ADAMTS6: variants seen among roughly 807,000 people sequenced by gnomAD.
ADAMTS6 encodes A disintegrin and metalloproteinase with thrombospondin motifs 6.
A neutral mutation model predicts 144.3 loss-of-function variants in ADAMTS6; 23 were observed. The observed-to-expected ratio is 0.16, with a 90% CI of 0.11 to 0.23. The LOEUF (loss-of-function observed/expected upper bound fraction) is 0.23, where lower values mean the gene tolerates loss of function less well. Ranked by LOEUF, ADAMTS6 falls within the 10% of genes least tolerant of loss-of-function variation. The pLI is 1.00. For missense variants in ADAMTS6, 999 were observed against 1,379.6 expected, an observed-to-expected ratio of 0.72 and a Z score of 4.37; for synonymous variants, 444 against 457.5, an observed-to-expected ratio of 0.97 and a Z score of 0.38.
intron 9 of ADAMTS6, among the ~76,000 whole-genome samples, chr5:65,319,382 A>C (rs1400383670): frequency 6.6e-6 from 1 of 151,638 alleles, no homozygotes; most frequent in Non-Finnish European, 1.5e-5. Context: ...ACAATGAAAT[A>C]GAAAATGAGC....
intron 7 of ADAMTS6, among the ~76,000 whole-genome samples, chr5:65,372,171 C>A (rs1037064199): frequency 7.1e-6 from 1 of 140,600 alleles, no homozygotes; most frequent in Admixed American, 6.7e-5. Context: ...CAAAATCATG[C>A]CAAAATGTAA....
intron 24 of ADAMTS6, among the ~76,000 whole-genome samples, chr5:65,162,620 TACACACACACAC>T (rs10529076): frequency 0.017 from 2,513 of 145,932 alleles, 69 homozygotes; most frequent in African/African-American, 0.061. Flanking sequence ...TATAAGATAC[TACACACACACAC>T]ACACACACAC....
At chr5:65,473,504 C>A in intron 2 of ADAMTS6, 73 bp downstream of exon 2, 3 of 1,355,228 alleles carry the variant, frequency 2.2e-6, no homozygotes, top group Non-Finnish European at 3.1e-6. Context: ...TCCACCCAAA[C>A]TAAATATGCA....
At chr5:65,243,856 T>G (rs975651949) in intron 14 of ADAMTS6, among the ~76,000 whole-genome samples, 2 of 152,118 alleles carry the variant, frequency 1.3e-5, no homozygotes, top group African/African-American at 4.8e-5. Context: ...ACTCTAGCTA[T>G]AAGTTTTCAC....
intron 7 of ADAMTS6, among the ~76,000 whole-genome samples, chr5:65,365,311 A>T (rs1750203518): frequency 1.3e-5 from 2 of 152,142 alleles, no homozygotes; most frequent in African/African-American, 4.8e-5. Context: ...GTATTCACAA[A>T]TGATTTTGCA....
At chr5:65,348,034 AG>A (rs1327046526) in intron 7 of ADAMTS6, among the ~76,000 whole-genome samples, 1 of 152,140 alleles carries the variant, frequency 6.6e-6, no homozygotes, top group African/African-American at 2.4e-5. Flanking sequence ...CAAGTGTTAC[AG>A]AAGATGTAGA....
chr5:65,172,761 T>C, intron 23 of ADAMTS6, 71 bp downstream of exon 23: 2 of 1,527,568 alleles, frequency 1.3e-6, no homozygotes, highest in Non-Finnish European at 1.8e-6. Flanking sequence ...CTTACAATGA[T>C]CACACAAGGA....
At chr5:65,175,705 GA>G (rs57833154) in intron 22 of ADAMTS6, among the ~76,000 whole-genome samples, 2,062 of 139,008 alleles carry the variant, frequency 0.015, 27 homozygotes, top group African/African-American at 0.037. Context: ...GTATCCTAAG[GA>G]AAAAAAAAAA....
rs989157170 is a variant in ADAMTS6, at chr5:65,179,685, G to GA, written c.2911-6678dup. ...ATAAAAAGAATCCTGTCCACCTTCAGAAAAAAAAAATGAATGAAATAGTCT... is the reference window on the plus strand; with the variant it reads ...ATAAAAAGAATCCTGTCCACCTTCAGAAAAAAAAAAATGAATGAAATAGTCT... On this transcript the variant is annotated intron_variant, in intron 22 of 24. Coordinates refer to ENST00000381055, the MANE Select transcript of ADAMTS6 (RefSeq NM_197941.4). Among the ~76,000 whole-genome samples, 214 of 147,128 alleles carry GA rather than the reference G, an allele frequency of 1.5e-3. 1 individual carries two copies. Among genetic ancestry groups the GA allele is most frequent in the African/African-American group, 4.9e-3 (195 of 40,162 alleles).
chr5:65,331,127 T>C (rs1033837703), intron 8 of ADAMTS6, among the ~76,000 whole-genome samples: 2 of 152,104 alleles, frequency 1.3e-5, no homozygotes, highest in African/African-American at 4.8e-5. Flanking sequence ...TGGTTCAATG[T>C]GGCCTATTAT....
intron 9 of ADAMTS6, among the ~76,000 whole-genome samples, chr5:65,318,581 C>T (rs538255494): frequency 1.7e-4 from 26 of 152,226 alleles, no homozygotes; most frequent in Middle Eastern, 3.4e-3. Context: ...TTTGCAACAA[C>T]GTGGATGGAA....
At chr5:65,408,097 G>T (rs1754724581) in intron 7 of ADAMTS6, among the ~76,000 whole-genome samples, 1 of 152,096 alleles carries the variant, frequency 6.6e-6, no homozygotes, top group African/African-American at 2.4e-5. Context: ...AAACTAATGG[G>T]CAAAATAACC....
chr5:65,188,296 C>T, intron 21 of ADAMTS6, 76 bp from the exon 22 acceptor site: 1 of 1,389,172 alleles, frequency 7.2e-7, no homozygotes, highest in Non-Finnish European at 1.0e-6. Flanking sequence ...AGTGAAGGCA[C>T]TTTCACTGAT....
chr5:65,398,659 C>T (rs541610229), intron 7 of ADAMTS6, among the ~76,000 whole-genome samples: 6 of 151,528 alleles, frequency 4.0e-5, no homozygotes, highest in Non-Finnish European at 7.4e-5. Flanking sequence ...TTGCAGTGAG[C>T]TGAGATTGCA....
At chr5:65,238,873 C>A (rs567389723) in intron 15 of ADAMTS6, among the ~76,000 whole-genome samples, 1 of 152,228 alleles carries the variant, frequency 6.6e-6, no homozygotes, top group African/African-American at 2.4e-5. Flanking sequence ...CTCAATTGAT[C>A]TATAGATTCA....
intron 20 of ADAMTS6, among the ~76,000 whole-genome samples, chr5:65,206,235 A>G (rs1756074192): frequency 6.6e-6 from 1 of 152,236 alleles, no homozygotes; most frequent in Admixed American, 6.5e-5. Flanking sequence ...TTAGTTCCAA[A>G]TAACTTCTTT....
intron 7 of ADAMTS6, among the ~76,000 whole-genome samples, chr5:65,384,800 C>T (rs1310752240): frequency 6.6e-6 from 1 of 152,170 alleles, no homozygotes; most frequent in Non-Finnish European, 1.5e-5. Context: ...CTTCTTGATA[C>T]CATTATCTGT....
chr5:65,297,061 A>T (rs1338441457), intron 10 of ADAMTS6: 4 of 356,362 alleles, frequency 1.1e-5, no homozygotes, highest in African/African-American at 4.3e-5. Context: ...TCTATAGTCT[A>T]AATAAATAAA....
chr5:65,149,384 T>C lies in ADAMTS6; in HGVS notation c.*2452A>G, dbSNP rs963355079. On this transcript the variant is annotated 3_prime_UTR_variant, in exon 25 of 25. Coordinates refer to ENST00000381055, the MANE Select transcript of ADAMTS6 (RefSeq NM_197941.4). Reference sequence around the variant, plus strand: ...TGTTTTAACCTACTCAGGTTTCAATTCAAGGCTTACTTGAAACTGTTTCAT... The same window carrying C: ...TGTTTTAACCTACTCAGGTTTCAATCCAAGGCTTACTTGAAACTGTTTCAT... The C allele has an allele frequency of 7.2e-5, 11 of 152,220 alleles. No homozygotes were observed. Among genetic ancestry groups the C allele is most frequent in the African/African-American group, 2.7e-4 (11 of 41,450 alleles). The allele number at this position is 152,220 out of a possible 1,614,324, so 9.4% of individuals were successfully genotyped here.
Sources: allele counts gnomAD v4.1 joint callset (sites outside exome capture counted in the v4.1 genomes callset), GRCh38; gene constraint gnomAD v4.1.1; transcripts MANE v1.5; gene names NCBI Gene and HGNC (gene_info 2026-07-23, HGNC 2026-07-21).